Variants in DLC1 observed in about 807,000 individuals in gnomAD.
DLC1 encodes the protein DLC1 Rho GTPase activating protein.
DLC1 carries 54 observed loss-of-function variants against 140.3 expected under a neutral mutation model. The observed-to-expected ratio is 0.38, with a 90% confidence interval of 0.31 to 0.48. DLC1 has a LOEUF of 0.48. DLC1 is among the 20% of genes least tolerant of loss of function. DLC1 has a pLI of 0.96. For synonymous variants in DLC1, 986 were observed against 728.1 expected, an observed-to-expected ratio of 1.35 and a Z score of -5.70; for missense variants, 2,536 against 1,907.0, an observed-to-expected ratio of 1.33 and a Z score of -6.14.
At chr8:13,220,408 G>A (rs1239151711) in intron 5 of DLC1, among the ~76,000 whole-genome samples, 1 of 152,152 alleles carries the variant, frequency 6.6e-6, no homozygotes, top group Non-Finnish European at 1.5e-5. Flanking sequence ...AGGTGGAATT[G>A]TTGAGGAATG....
intron 4 of DLC1, among the ~76,000 whole-genome samples, chr8:13,370,863 C>T (rs886842165): frequency 1.1e-4 from 17 of 152,128 alleles, no homozygotes; most frequent in African/African-American, 1.9e-4. Context: ...TAGCTTAGGA[C>T]GAGTGGATCC....
At position 13,133,153 on chromosome 8, in the gene DLC1, G is replaced by A. The variant is rs144586246; in HGVS notation, c.1349-17496C>T. 671 of 1,444,614 alleles carry A rather than the reference G, an allele frequency of 4.6e-4. 5 individuals carry two copies. The East Asian group carries it at 0.016, about 35-fold the overall frequency. 89.5% of individuals were successfully genotyped at this position (1,444,614 alleles called of 1,614,324 possible). ...GTCACGGCCCCAGAAAGAAAGCGGG[G>A]TTTTCTAAAGATCGAAACGAGGGAG... On this transcript the variant is annotated intron_variant, in intron 5 of 17. Transcript: ENST00000276297.
chr8:13,190,244 C>T (rs1005782082), intron 5 of DLC1, among the ~76,000 whole-genome samples: 11 of 152,224 alleles, frequency 7.2e-5, no homozygotes, highest in African/African-American at 1.7e-4. Flanking sequence ...ATTTCCAGTG[C>T]TTGGTGGCCA....
chr8:13,384,240 C>T (rs577108260), intron 4 of DLC1, among the ~76,000 whole-genome samples: 5 of 152,160 alleles, frequency 3.3e-5, no homozygotes, highest in South Asian at 2.1e-4. Context: ...CTCTGCCCCC[C>T]ATCACAAAGG....
intron 1 of DLC1, among the ~76,000 whole-genome samples, chr8:13,574,406 G>T (rs1804765938): frequency 6.6e-6 from 1 of 151,992 alleles, no homozygotes; most frequent in African/African-American, 2.4e-5. Context: ...TATGTTTTTT[G>T]CCCTTGAATA....
At chr8:13,569,637 A>T (rs1230733494) in intron 1 of DLC1, among the ~76,000 whole-genome samples, 1 of 152,024 alleles carries the variant, frequency 6.6e-6, no homozygotes, top group Non-Finnish European at 1.5e-5. Flanking sequence ...TTTCAACTCA[A>T]CCCCAAGCTA....
intron 1 of DLC1, among the ~76,000 whole-genome samples, chr8:13,536,650 C>A (rs1158602784): frequency 6.6e-6 from 1 of 152,126 alleles, no homozygotes; most frequent in Non-Finnish European, 1.5e-5. Flanking sequence ...GTTACTTTCC[C>A]CCTGGTCAAA....
chr8:13,535,651 G>C (rs557455827), intron 1 of DLC1, among the ~76,000 whole-genome samples: 1 of 141,084 alleles, frequency 7.1e-6, no homozygotes, highest in African/African-American at 2.7e-5. Flanking sequence ...AAGTGAGGGC[G>C]TGGGGATCAT....
chr8:13,105,196 A>C (rs769808424), intron 7 of DLC1, among the ~76,000 whole-genome samples: 3 of 152,192 alleles, frequency 2.0e-5, no homozygotes, highest in Non-Finnish European at 4.4e-5. Context: ...TATAAAGGTC[A>C]ACATTACCTT....
At chr8:13,424,285 T>C (rs1838453384) in intron 2 of DLC1, among the ~76,000 whole-genome samples, 1 of 152,016 alleles carries the variant, frequency 6.6e-6, no homozygotes, top group Non-Finnish European at 1.5e-5. Context: ...AGTCAGGAGT[T>C]CAAGGTCAGC....
chr8:13,309,226 G>A (rs115100115), intron 4 of DLC1, among the ~76,000 whole-genome samples: 2,241 of 152,182 alleles, frequency 0.015, 63 homozygotes, highest in African/African-American at 0.051. Context: ...TGGGTTCGCT[G>A]TAACTTATAT....
chr8:13,448,778 T>C (rs1049224654), intron 2 of DLC1, among the ~76,000 whole-genome samples: 10 of 152,230 alleles, frequency 6.6e-5, no homozygotes, highest in African/African-American at 1.9e-4. Flanking sequence ...AAAGAATCTT[T>C]TAGAACAGTT....
intron 7 of DLC1, among the ~76,000 whole-genome samples, chr8:13,107,182 A>C (rs1819636913): frequency 6.6e-6 from 1 of 152,238 alleles, no homozygotes; most frequent in East Asian, 1.9e-4. Context: ...CCACACTTGT[A>C]ACTTTTGGTT....
intron 2 of DLC1, among the ~76,000 whole-genome samples, chr8:13,476,642 T>A (rs1292633237): frequency 1.3e-5 from 2 of 152,116 alleles, no homozygotes; most frequent in African/African-American, 4.8e-5. Context: ...TGCCATAAGA[T>A]GTTAGAGTTA....
chr8:13,095,331 G>A (rs542745061), intron 10 of DLC1, 86 bp from the exon 11 acceptor site: 2 of 1,539,206 alleles, frequency 1.3e-6, no homozygotes, highest in Admixed American at 1.7e-5. Context: ...GGCAAACCCT[G>A]TGGGCTCCAG....
intron 5 of DLC1, among the ~76,000 whole-genome samples, chr8:13,140,092 C>T (rs1395984987): frequency 1.3e-5 from 2 of 152,198 alleles, no homozygotes; most frequent in East Asian, 3.8e-4. Context: ...CATTATTTCA[C>T]TTGCTGTCCC....
intron 4 of DLC1, among the ~76,000 whole-genome samples, chr8:13,386,338 A>G (rs1170505026): frequency 1.3e-5 from 2 of 152,108 alleles, no homozygotes; most frequent in Admixed American, 6.5e-5. Flanking sequence ...CCAGATTACT[A>G]CAAACTAAAC....
chr8:13,106,003 T>G (rs1819535900), intron 7 of DLC1, among the ~76,000 whole-genome samples: 1 of 152,214 alleles, frequency 6.6e-6, no homozygotes, highest in Admixed American at 6.5e-5. Flanking sequence ...AGCCTGGGCC[T>G]TTCCCATCCC....
chr8:13,480,861 G>A (rs1213766526), intron 2 of DLC1, among the ~76,000 whole-genome samples: 3 of 152,234 alleles, frequency 2.0e-5, no homozygotes, highest in East Asian at 1.9e-4. Flanking sequence ...CTGAGATCAC[G>A]CCATTGCACT....
Sources: gnomAD v4.1 joint callset for allele counts (sites outside exome capture counted in the v4.1 genomes callset) on GRCh38, gnomAD v4.1.1 for gene constraint, MANE v1.5 for transcripts, NCBI Gene and HGNC (gene_info 2026-07-23, HGNC 2026-07-21) for gene names.